Variants in MACROD2 observed in about 807,000 individuals in gnomAD.
The protein encoded by MACROD2 is mono-ADP ribosylhydrolase 2.
A neutral mutation model predicts 70.4 loss-of-function variants in MACROD2; 36 were observed. The observed-to-expected ratio is 0.51, with a 90% CI of 0.39 to 0.68. The LOEUF is 0.68. Ranked by LOEUF, MACROD2 falls within the 30% of genes least tolerant of loss-of-function variation. MACROD2 has a pLI of 0.00. For synonymous variants in MACROD2, 172 were observed against 178.8 expected (o/e 0.96, Z 0.30); for missense variants, 496 against 538.4 (o/e 0.92, Z 0.78).
chr20:15,971,382 A>T (rs2066228314), intron 13 of MACROD2, among the ~76,000 whole-genome samples: 2 of 152,106 alleles, frequency 1.3e-5, no homozygotes, highest in Non-Finnish European at 1.5e-5. Context: ...GATAGTGAAG[A>T]AGTCTCATGA....
At chr20:14,521,123 C>A (rs888948285) in intron 4 of MACROD2, among the ~76,000 whole-genome samples, 1 of 152,280 alleles carries the variant, frequency 6.6e-6, no homozygotes, top group Non-Finnish European at 1.5e-5. Flanking sequence ...CAAAATACCT[C>A]ATGTTTTTCT....
chr20:15,862,839 A>G lies in MACROD2; in HGVS notation c.727+13A>G. 2 of 1,585,056 alleles carry G rather than the reference A, an allele frequency of 1.3e-6. No individual in the cohort carries two copies. The highest frequency in any genetic ancestry group is 2.2e-5 in the East Asian group (1 of 44,602). On this transcript the variant is annotated intron_variant, in intron 9 of 17. Transcript: ENST00000684519. The stretch of plus-strand genomic sequence containing the variant: ...TTTTTCTCCGTAGGTGAGTAAAGCA[A>G]CTTCTTGTTTTCTTTCAAATTGAGG...
At chr20:14,679,356 G>A (rs765450092) in intron 4 of MACROD2, among the ~76,000 whole-genome samples, 11 of 152,162 alleles carry the variant, frequency 7.2e-5, no homozygotes, top group South Asian at 2.1e-4. Flanking sequence ...TGCAAAGGAC[G>A]TCATGGTGCC....
At chr20:16,048,560 A>G (rs1424121951) in intron 17 of MACROD2, among the ~76,000 whole-genome samples, 1 of 152,106 alleles carries the variant, frequency 6.6e-6, no homozygotes, top group Non-Finnish European at 1.5e-5. Flanking sequence ...GTTTAACTTA[A>G]TTTGGACTGA....
intron 4 of MACROD2, among the ~76,000 whole-genome samples, chr20:14,498,120 T>G (rs2123115715): frequency 6.6e-6 from 1 of 151,868 alleles, no homozygotes; most frequent in Middle Eastern, 3.4e-3. Context: ...CTGTTATTAA[T>G]GTCCCTTCAT....
At chr20:15,678,420 CAT>C (rs1568969575) in intron 8 of MACROD2, among the ~76,000 whole-genome samples, 240 of 151,630 alleles carry the variant, frequency 1.6e-3, no homozygotes, top group African/African-American at 5.6e-3. Context: ...AGTGCAGTGG[CAT>C]GATCTCGGCT....
chr20:15,838,364 T>C (rs530079656), intron 8 of MACROD2, among the ~76,000 whole-genome samples: 2 of 152,176 alleles, frequency 1.3e-5, no homozygotes, highest in Non-Finnish European at 2.9e-5. Context: ...CTATGCAAAA[T>C]GTTTAATGTT....
chr20:15,902,428 A>G (rs993999428), intron 10 of MACROD2, among the ~76,000 whole-genome samples: 5 of 152,174 alleles, frequency 3.3e-5, no homozygotes, highest in Admixed American at 6.5e-5. Context: ...AAAAATGGAT[A>G]CAATGTTTAA....
At chr20:14,088,046 C>T (rs1338755019) in intron 3 of MACROD2, among the ~76,000 whole-genome samples, 1 of 151,658 alleles carries the variant, frequency 6.6e-6, no homozygotes, top group East Asian at 1.9e-4. Flanking sequence ...AAAATTAAAG[C>T]TCTGCTGGGC....
intron 5 of MACROD2, among the ~76,000 whole-genome samples, chr20:15,084,077 T>TTTTTTTGTTTTGTTTTG (rs59469837): frequency 6.4e-4 from 94 of 145,788 alleles, no homozygotes; most frequent in Middle Eastern, 3.5e-3. Context: ...TTTTTGTTTT[T>TTTTTTTGTTTTGTTTTG]TTTTTTTAAT....
At chr20:15,636,772 G>A (rs529284451) in intron 8 of MACROD2, among the ~76,000 whole-genome samples, 1 of 152,030 alleles carries the variant, frequency 6.6e-6, no homozygotes, top group Admixed American at 6.6e-5. Context: ...TCAACGCCGG[G>A]GTCCTATGAT....
At chr20:14,557,212 A>G (rs1173151610) in intron 4 of MACROD2, among the ~76,000 whole-genome samples, 2 of 151,986 alleles carry the variant, frequency 1.3e-5, no homozygotes, top group African/African-American at 4.8e-5. Context: ...TACACCATAT[A>G]TAAAAATTAA....
intron 10 of MACROD2, among the ~76,000 whole-genome samples, chr20:15,903,429 A>G (rs1010190078): frequency 1.3e-4 from 20 of 152,102 alleles, no homozygotes; most frequent in African/African-American, 4.6e-4. Context: ...AGCAACAGAG[A>G]GTGAAGGGGA....
At chr20:15,582,985 A>G (rs1035416504) in intron 8 of MACROD2, among the ~76,000 whole-genome samples, 2 of 152,156 alleles carry the variant, frequency 1.3e-5, no homozygotes, top group Non-Finnish European at 2.9e-5. Context: ...CAAAAAATTC[A>G]TCAGCTGAGT....
At chr20:15,241,709 C>T (rs138224112) in intron 6 of MACROD2, among the ~76,000 whole-genome samples, 22 of 142,546 alleles carry the variant, frequency 1.5e-4, no homozygotes, top group Admixed American at 2.9e-4. Context: ...AACAGCTTCT[C>T]AAGCATTTGA....
chr20:15,881,536 G>A (rs1173358762), intron 9 of MACROD2, among the ~76,000 whole-genome samples: 1 of 152,130 alleles, frequency 6.6e-6, no homozygotes, highest in Non-Finnish European at 1.5e-5. Flanking sequence ...AAACATCTCA[G>A]AAGTCCAACC....
chr20:15,536,835 A>G (rs1178673786), intron 8 of MACROD2, among the ~76,000 whole-genome samples: 3 of 152,208 alleles, frequency 2.0e-5, no homozygotes, highest in Non-Finnish European at 4.4e-5. Flanking sequence ...ATAAAAAGAA[A>G]CCAGTGGAAG....
chr20:15,372,866 A>G (rs764600100), intron 6 of MACROD2, among the ~76,000 whole-genome samples: 2 of 152,136 alleles, frequency 1.3e-5, no homozygotes, highest in Non-Finnish European at 2.9e-5. Flanking sequence ...AGCCTGGGCA[A>G]CAAAGCATGA....
intron 8 of MACROD2, among the ~76,000 whole-genome samples, chr20:15,637,464 C>G (rs988334057): frequency 2.6e-5 from 4 of 152,162 alleles, no homozygotes; most frequent in African/African-American, 9.7e-5. Context: ...ACCCAGGGGA[C>G]CCTGTGACAA....
Sources: gnomAD v4.1 joint callset for allele counts (sites outside exome capture counted in the v4.1 genomes callset) on GRCh38, gnomAD v4.1.1 for gene constraint, MANE v1.5 for transcripts, NCBI Gene and HGNC (gene_info 2026-07-23, HGNC 2026-07-21) for gene names.